RPA1: variants seen among roughly 807,000 people sequenced by gnomAD.
RPA1 encodes replication protein A1.
In RPA1, 49 loss-of-function variants were observed where a neutral mutation model predicts 83.0. The ratio of observed to expected loss-of-function variants is 0.59; its 90% CI spans 0.47 to 0.75. RPA1 has a LOEUF of 0.75. Ranked by LOEUF, RPA1 falls within the 30% of genes least tolerant of loss-of-function variation. The pLI is 0.00. For synonymous variants in RPA1, 279 were observed against 281.8 expected (o/e 0.99, Z 0.10); for missense variants, 693 against 776.1 (o/e 0.89, Z 1.27).
At chr17:1,887,775 G>T (rs1178554651) in intron 13 of RPA1, among the ~76,000 whole-genome samples, 1 of 152,012 alleles carries the variant, frequency 6.6e-6, no homozygotes, top group Non-Finnish European at 1.5e-5. Flanking sequence ...TGTAGTCCCA[G>T]CTACTTGGGT....
chr17:1,837,253 G>T (rs899898347), intron 1 of RPA1, among the ~76,000 whole-genome samples: 2 of 152,268 alleles, frequency 1.3e-5, no homozygotes, highest in South Asian at 4.1e-4. Context: ...ACAGGCACAA[G>T]CCACCACTGT....
chr17:1,896,248 C>T (rs1196410758), intron 16 of RPA1, among the ~76,000 whole-genome samples: 4 of 152,162 alleles, frequency 2.6e-5, no homozygotes, highest in Admixed American at 1.3e-4. Context: ...ATCATGCTTA[C>T]GAGTATCACG....
At chr17:1,880,449 A>C in intron 11 of RPA1, 94 bp from the exon 12 acceptor site, 1 of 1,325,964 alleles carries the variant, frequency 7.5e-7, no homozygotes, top group Non-Finnish European at 1.1e-6. Context: ...GATTACATTC[A>C]CTCTACTATT....
Position 1,883,870 on chromosome 17 carries a change from G to A in RPA1, c.1300G>A (p.Gly434Arg), listed in dbSNP as rs201226474. The A allele has an allele frequency of 1.2e-4, 192 of 1,614,016 alleles. 1 individual carries two copies. The East Asian group carries it at 2.7e-3, about 23-fold the overall frequency. Residue 434 changes from glycine to arginine, a missense_variant, in exon 13 of 17, where the codon GGA (glycine) becomes AGA (arginine). Gly to Arg is a moderately radical substitution (Grantham distance 125). Transcript: ENST00000254719. Reference protein sequence around the residue: ...GVSISDLKSGGVGGSNTNWKT... With the variant: ...GVSISDLKSGRVGGSNTNWKT... ...TTCCATCTCTGATCTAAAGAGCGGC[G>A]GAGTCGGAGGGAGTAACACCAACTG...
At chr17:1,841,805 A>G (rs932236893) in intron 1 of RPA1, among the ~76,000 whole-genome samples, 2 of 152,086 alleles carry the variant, frequency 1.3e-5, no homozygotes, top group African/African-American at 4.8e-5. Context: ...CATTACTTCT[A>G]TGCCTAGTTT....
chr17:1,862,194 A>ATTTTT (rs57509401), intron 5 of RPA1, among the ~76,000 whole-genome samples: 28 of 93,154 alleles, frequency 3.0e-4, no homozygotes, highest in African/African-American at 1.3e-3. Flanking sequence ...CCCCAACCGT[A>ATTTTT]TTTTTTTTTT....
At chr17:1,891,280 G>A (rs1002515148) in intron 14 of RPA1, among the ~76,000 whole-genome samples, 1 of 152,180 alleles carries the variant, frequency 6.6e-6, no homozygotes, top group African/African-American at 2.4e-5. Context: ...AGAGGCTCAC[G>A]GGCAGGCTCT....
intron 13 of RPA1, among the ~76,000 whole-genome samples, chr17:1,885,207 AT>A (rs1913947546): frequency 6.6e-6 from 1 of 152,118 alleles, no homozygotes; most frequent in Non-Finnish European, 1.5e-5. Context: ...ACCACAAGAG[AT>A]TTCATCTCAA....
At chr17:1,837,323 G>T (rs1911864415) in intron 1 of RPA1, among the ~76,000 whole-genome samples, 2 of 152,068 alleles carry the variant, frequency 1.3e-5, no homozygotes, top group Non-Finnish European at 1.5e-5. Flanking sequence ...CCTTTTTATG[G>T]CTCAGTAGTA....
intron 15 of RPA1, among the ~76,000 whole-genome samples, chr17:1,892,415 T>C (rs933437853): frequency 1.3e-5 from 2 of 152,246 alleles, no homozygotes; most frequent in African/African-American, 2.4e-5. Flanking sequence ...TCTGATGTTA[T>C]CTAATCTTGT....
intron 5 of RPA1, among the ~76,000 whole-genome samples, chr17:1,871,079 CA>C (rs1913361494): frequency 1.3e-5 from 2 of 152,186 alleles, no homozygotes; most frequent in Admixed American, 6.5e-5. Context: ...TGTTCCTTCA[CA>C]AGATGCATTG....
At chr17:1,846,081 C>G (rs1251951299) in intron 4 of RPA1, among the ~76,000 whole-genome samples, 1 of 152,090 alleles carries the variant, frequency 6.6e-6, no homozygotes, top group South Asian at 2.1e-4. Flanking sequence ...ACCTCTTTAT[C>G]TCTGTGTTGG....
At chr17:1,860,674 C>T (rs896925786) in intron 5 of RPA1, among the ~76,000 whole-genome samples, 1 of 152,090 alleles carries the variant, frequency 6.6e-6, no homozygotes, top group African/African-American at 2.4e-5. Flanking sequence ...TCTGTGGATT[C>T]TGGTGTCTGT....
At chr17:1,859,345 A>G (rs573598018) in intron 5 of RPA1, among the ~76,000 whole-genome samples, 9 of 152,228 alleles carry the variant, frequency 5.9e-5, no homozygotes, top group African/African-American at 2.2e-4. Flanking sequence ...CAGTTTTTCT[A>G]TATCTTTACT....
At chr17:1,887,216 T>A (rs1007829090) in intron 13 of RPA1, among the ~76,000 whole-genome samples, 8 of 152,118 alleles carry the variant, frequency 5.3e-5, no homozygotes, top group African/African-American at 1.9e-4. Flanking sequence ...CCCCATCTTA[T>A]ATGGGTGTAG....
intron 13 of RPA1, among the ~76,000 whole-genome samples, chr17:1,887,885 T>A (rs1914055688): frequency 6.6e-6 from 1 of 152,180 alleles, no homozygotes; most frequent in Non-Finnish European, 1.5e-5. Flanking sequence ...AGAGCGAGAC[T>A]CTGTCTCAAA....
rs1912977366 is a variant in RPA1, at chr17:1,861,694, A to G, written c.361+8505A>G. Among the ~76,000 whole-genome samples, 5 of 150,116 alleles carry G rather than the reference A, an allele frequency of 3.3e-5. No individual in the cohort carries two copies. In the South Asian group the frequency reaches 1.1e-3, roughly 32 times the overall value. ...GTTGAAACATTTGTTTATTAACTTC[A>G]CGCTATGGGAGATTAGAATGTGGTG... On this transcript the variant is annotated intron_variant, in intron 5 of 16. Transcript: ENST00000254719.
At chr17:1,883,151 T>A (rs576433197) in intron 12 of RPA1, among the ~76,000 whole-genome samples, 29 of 152,188 alleles carry the variant, frequency 1.9e-4, no homozygotes, top group African/African-American at 6.3e-4. Context: ...CAAGACCCCA[T>A]CTCTTAAAAA....
At chr17:1,849,267 C>T (rs1597427009) in intron 4 of RPA1, among the ~76,000 whole-genome samples, 1 of 150,830 alleles carries the variant, frequency 6.6e-6, no homozygotes, top group African/African-American at 2.4e-5. Context: ...TACTTTTTCC[C>T]TCCAAATTTT....
Sources: allele counts gnomAD v4.1 joint callset (sites outside exome capture counted in the v4.1 genomes callset), GRCh38; gene constraint gnomAD v4.1.1; transcripts MANE v1.5; gene names NCBI Gene and HGNC (gene_info 2026-07-23, HGNC 2026-07-21).